The following MYCT1 variants were observed in gnomAD, a reference collection of about 807,000 sequenced individuals.
MYCT1 encodes the protein myc target protein 1.
Under a neutral mutation model 15.0 loss-of-function variants are expected in MYCT1, and 12 were observed. The observed-to-expected ratio is 0.80, with a 90% CI of 0.51 to 1.29. The LOEUF (loss-of-function observed/expected upper bound fraction) is 1.29. Ranked by LOEUF, MYCT1 falls within the 50% of genes most tolerant of loss-of-function variation. The probability of loss-of-function intolerance (pLI) is 0.00; values close to 1 mark genes in which losing one functional copy is unlikely to be tolerated. For missense variants in MYCT1, 287 were observed against 279.1 expected (o/e 1.03, Z -0.20); for synonymous variants, 104 against 102.7 (o/e 1.01, Z -0.07).
At chr6:152,733,279 T>C in the MYCT1 span, among the ~76,000 whole-genome samples, 1 of 152,082 alleles carries the variant, frequency 6.6e-6, no homozygotes, top group Admixed American at 6.5e-5. Context: ...AATTTTTGTA[T>C]TTTTTGTAGA....
chr6:152,727,015 G>A (rs115481241), downstream of MYCT1, among the ~76,000 whole-genome samples: 1,287 of 152,078 alleles, frequency 8.5e-3, 19 homozygotes, highest in African/African-American at 0.03. Flanking sequence ...TTTGAAACCA[G>A]CCTGGCCAAG....
chr6:152,740,135 C>T, the MYCT1 span, among the ~76,000 whole-genome samples: 1 of 152,128 alleles, frequency 6.6e-6, no homozygotes, highest in Non-Finnish European at 1.5e-5. Flanking sequence ...CAACCTCTGC[C>T]TCCCAGGTTC....
the MYCT1 span, among the ~76,000 whole-genome samples, chr6:152,743,348 G>A: frequency 6.6e-6 from 1 of 152,202 alleles, no homozygotes; most frequent in African/African-American, 2.4e-5. Context: ...TTATAGGCAT[G>A]AGCCACTGCG....
downstream of MYCT1, among the ~76,000 whole-genome samples, chr6:152,728,586 A>G (rs567569801): frequency 1.8e-4 from 28 of 152,244 alleles, no homozygotes; most frequent in East Asian, 5.0e-3. Flanking sequence ...TGGAAAAACT[A>G]AAAACTCCTA....
downstream of MYCT1, among the ~76,000 whole-genome samples, chr6:152,726,720 C>T (rs2099725730): frequency 6.6e-6 from 1 of 152,060 alleles, no homozygotes; most frequent in South Asian, 2.1e-4. Context: ...AGAAGCTCTC[C>T]AGGACTTTTA....
At chr6:152,708,058 TTATA>T (rs1273068206) in intron 1 of MYCT1, among the ~76,000 whole-genome samples, 1 of 151,796 alleles carries the variant, frequency 6.6e-6, no homozygotes, top group Non-Finnish European at 1.5e-5. Context: ...ATAAATTTAT[TTATA>T]TAAATAAATT....
chr6:152,719,657 A>G (rs2099724343), intron 1 of MYCT1, among the ~76,000 whole-genome samples: 1 of 152,242 alleles, frequency 6.6e-6, no homozygotes, highest in African/African-American at 2.4e-5. Flanking sequence ...GCTTTTCCAC[A>G]GGAGATAAAT....
the MYCT1 span, among the ~76,000 whole-genome samples, chr6:152,734,163 T>C: frequency 6.6e-6 from 1 of 152,146 alleles, no homozygotes; most frequent in Non-Finnish European, 1.5e-5. Context: ...TGATTGCTTT[T>C]AAGAGCATAC....
the MYCT1 span, among the ~76,000 whole-genome samples, chr6:152,736,687 C>T: frequency 1.3e-5 from 2 of 152,054 alleles, no homozygotes; most frequent in Non-Finnish European, 2.9e-5. Context: ...ATTATTAATA[C>T]ACTTTTTTTT....
intron 1 of MYCT1, among the ~76,000 whole-genome samples, chr6:152,700,959 C>A (rs184723914): frequency 6.6e-6 from 1 of 152,162 alleles, no homozygotes; most frequent in African/African-American, 2.4e-5. Flanking sequence ...GGCAATTATG[C>A]GTCTATACAT....
chr6:152,732,444 TAGAGA>T, the MYCT1 span, among the ~76,000 whole-genome samples: 1 of 103,314 alleles, frequency 9.7e-6, no homozygotes, highest in Admixed American at 1.1e-4. Flanking sequence ...AAATTAGCTG[TAGAGA>T]AAAGTCTCTG....
rs1369339036 is a variant in MYCT1 at position 152,724,213 on chromosome 6, T to C, written c.*1960T>C. Reference sequence around the variant, plus strand: ...AGCCAAGTAAGGTTTCAAGGGAATATTAACTTGGTATCAGGGCTACTTTTT... The same window carrying C: ...AGCCAAGTAAGGTTTCAAGGGAATACTAACTTGGTATCAGGGCTACTTTTT... On this transcript the variant is annotated 3_prime_UTR_variant, in exon 2 of 2. Transcript: ENST00000367245. 1 of 150,960 alleles carries C rather than the reference T, an allele frequency of 6.6e-6. No homozygotes were observed. Among genetic ancestry groups the C allele is most frequent in the Admixed American group, 6.6e-5 (1 of 15,082 alleles). 9.4% of individuals were successfully genotyped at this position (150,960 alleles called of 1,614,324 possible).
At chr6:152,718,649 A>G (rs748549369) in intron 1 of MYCT1, among the ~76,000 whole-genome samples, 16 of 152,244 alleles carry the variant, frequency 1.1e-4, no homozygotes, top group Admixed American at 3.9e-4. Context: ...CACTATAAAT[A>G]ACATTTATAT....
chr6:152,728,689 A>G (rs2099726066), downstream of MYCT1, among the ~76,000 whole-genome samples: 1 of 152,048 alleles, frequency 6.6e-6, no homozygotes, highest in South Asian at 2.1e-4. Flanking sequence ...TGAGCTCAGG[A>G]GTTTGAGACC....
chr6:152,745,052 G>A, the MYCT1 span, among the ~76,000 whole-genome samples: 3 of 152,288 alleles, frequency 2.0e-5, no homozygotes, highest in South Asian at 6.2e-4. Context: ...AGGGAGACAT[G>A]TGGCCTCCAG....
the MYCT1 span, among the ~76,000 whole-genome samples, chr6:152,738,254 T>C: frequency 6.6e-6 from 1 of 152,188 alleles, no homozygotes; most frequent in Non-Finnish European, 1.5e-5. Context: ...TTTGAACATA[T>C]ATTATAGACA....
At chr6:152,713,486 G>T (rs373834613) in intron 1 of MYCT1, among the ~76,000 whole-genome samples, 13 of 152,028 alleles carry the variant, frequency 8.6e-5, no homozygotes, top group African/African-American at 2.7e-4. Context: ...CATTTTGAAT[G>T]GATTCTGCTA....
At chr6:152,740,127 A>G in the MYCT1 span, among the ~76,000 whole-genome samples, 1 of 151,888 alleles carries the variant, frequency 6.6e-6, no homozygotes, top group Non-Finnish European at 1.5e-5. Context: ...GCTCACCACA[A>G]CCTCTGCCTC....
In MYCT1 at chr6:152,714,832, T is replaced by G. The variant is rs1336818306; in HGVS notation, c.197-6910T>G. ...ATTATTAGGTATATATAAATTTATT[T>G]AAGTATATAACTTTCTATTTCATAT... On this transcript the variant is annotated intron_variant, in intron 1 of 1. Coordinates refer to ENST00000367245, the MANE Select transcript of MYCT1 (RefSeq NM_025107.3). 2.0e-5 allele frequency among the ~76,000 whole-genome samples: 3 copies of G among 151,802 alleles called. No homozygotes were observed. In the East Asian group the frequency reaches 5.8e-4, roughly 29 times the overall value.
Sources: gnomAD v4.1 joint callset for allele counts (sites outside exome capture counted in the v4.1 genomes callset) on GRCh38, gnomAD v4.1.1 for gene constraint, MANE v1.5 for transcripts, NCBI Gene and HGNC (gene_info 2026-07-23, HGNC 2026-07-21) for gene names.